The following DPP10 variants were observed in gnomAD, a reference collection of about 807,000 sequenced individuals.
DPP10 encodes the protein dipeptidyl peptidase like 10.
Under a neutral mutation model 120.9 loss-of-function variants are expected in DPP10, and 33 were observed. The ratio of observed to expected loss-of-function variants is 0.27; its 90% CI spans 0.21 to 0.37. The LOEUF (loss-of-function observed/expected upper bound fraction) is 0.37. Among genes scored for constraint, DPP10 ranks in the 10% least tolerant of loss-of-function variants. The pLI is 1.00. For synonymous variants in DPP10, 337 were observed against 326.1 expected (o/e 1.03, Z -0.36); for missense variants, 816 against 942.8 (o/e 0.87, Z 1.76).
chr2:114,664,458 G>A (rs748817149), intron 1 of DPP10, among the ~76,000 whole-genome samples: 11 of 151,554 alleles, frequency 7.3e-5, no homozygotes, highest in Non-Finnish European at 1.2e-4. Flanking sequence ...GTGAAACCCC[G>A]TCTCTACTAA....
chr2:115,445,905 A>C (rs556707954), intron 3 of DPP10, among the ~76,000 whole-genome samples: 34 of 152,230 alleles, frequency 2.2e-4, no homozygotes, highest in African/African-American at 8.2e-4. Flanking sequence ...GTTTTGTAAG[A>C]TGGGCCCAGG....
chr2:115,468,770 A>G (rs555276594), intron 3 of DPP10: 2 of 437,892 alleles, frequency 4.6e-6, no homozygotes, highest in South Asian at 3.6e-5. Flanking sequence ...GTTTGCTGCT[A>G]CTCAGGCTGA....
At chr2:115,824,054 A>T (rs1688064898) in intron 21 of DPP10, among the ~76,000 whole-genome samples, 1 of 152,132 alleles carries the variant, frequency 6.6e-6, no homozygotes, top group South Asian at 2.1e-4. Flanking sequence ...ATATATCTAT[A>T]TCTAGCTAGC....
At chr2:115,431,151 A>G (rs1473802791) in intron 3 of DPP10, among the ~76,000 whole-genome samples, 2 of 152,232 alleles carry the variant, frequency 1.3e-5, no homozygotes, top group East Asian at 3.8e-4. Context: ...AAGCGAAGGG[A>G]TCCAGGAATT....
intron 1 of DPP10, among the ~76,000 whole-genome samples, chr2:114,932,623 A>C (rs1237320168): frequency 6.6e-6 from 1 of 152,216 alleles, no homozygotes. Flanking sequence ...ATTTTAATAG[A>C]AATCAGAATA....
intron 1 of DPP10, among the ~76,000 whole-genome samples, chr2:115,157,472 C>T (rs2051998675): frequency 6.6e-6 from 1 of 152,120 alleles, no homozygotes; most frequent in Admixed American, 6.5e-5. Flanking sequence ...CTGAAAGAAA[C>T]TCAAAACAGA....
intron 1 of DPP10, among the ~76,000 whole-genome samples, chr2:114,831,008 A>C: frequency 7.4e-6 from 1 of 135,096 alleles, no homozygotes; most frequent in Non-Finnish European, 1.5e-5. Flanking sequence ...GAATATTTAA[A>C]CATCCATGCA....
At chr2:114,817,126 A>G (rs934725086) in intron 1 of DPP10, among the ~76,000 whole-genome samples, 6 of 152,210 alleles carry the variant, frequency 3.9e-5, no homozygotes, top group Non-Finnish European at 8.8e-5. Flanking sequence ...TTCATTCCCC[A>G]TGCAATCAAT....
chr2:114,545,051 C>T (rs188639209), intron 1 of DPP10, among the ~76,000 whole-genome samples: 160 of 152,160 alleles, frequency 1.1e-3, no homozygotes, highest in African/African-American at 3.6e-3. Context: ...GGGGTTTCAT[C>T]ATGTTGGCCA....
chr2:114,750,778 C>CA (rs1679144620), intron 1 of DPP10, among the ~76,000 whole-genome samples: 1 of 137,804 alleles, frequency 7.3e-6, no homozygotes, highest in South Asian at 2.4e-4. Context: ...TTATTCCAAA[C>CA]AGAAGGCTAA....
intron 1 of DPP10, among the ~76,000 whole-genome samples, chr2:114,992,309 G>A (rs1216499876): frequency 6.6e-6 from 1 of 152,118 alleles, no homozygotes; most frequent in Admixed American, 6.5e-5. Context: ...TAAAATGTTA[G>A]ACATCCCTCT....
At chr2:115,379,186 C>CT (rs1255271025) in intron 3 of DPP10, among the ~76,000 whole-genome samples, 1 of 152,120 alleles carries the variant, frequency 6.6e-6, no homozygotes, top group Non-Finnish European at 1.5e-5. Flanking sequence ...TGGTCCTGGA[C>CT]TTTTTTTGGT....
At chr2:115,058,589 G>T (rs1334514737) in intron 1 of DPP10, among the ~76,000 whole-genome samples, 1 of 151,992 alleles carries the variant, frequency 6.6e-6, no homozygotes, top group Non-Finnish European at 1.5e-5. Flanking sequence ...GAGTACAGAC[G>T]GGGTTTCGCC....
chr2:115,323,861 C>T (rs1260616866), intron 2 of DPP10, among the ~76,000 whole-genome samples: 1 of 152,076 alleles, frequency 6.6e-6, no homozygotes, highest in Non-Finnish European at 1.5e-5. Flanking sequence ...GTGTTGTCAG[C>T]CAGGCTTTGT....
At chr2:115,796,129 GA>G (rs1400583619) in intron 19 of DPP10, among the ~76,000 whole-genome samples, 1 of 151,998 alleles carries the variant, frequency 6.6e-6, no homozygotes, top group Admixed American at 6.6e-5. Context: ...CCCCCAAAGA[GA>G]AATCCCATCC....
chr2:115,712,014 A>G lies in DPP10; in HGVS notation c.577-15802A>G, dbSNP rs561575889. Among the ~76,000 whole-genome samples the G allele has an allele frequency of 4.1e-5, 6 of 146,780 alleles. No individual in the cohort carries two copies. In the East Asian group the frequency reaches 1.2e-3, roughly 30 times the overall value. ...CCAGGCACTGGTTTTGTAGAAGACA[A>G]TTTTTTCCATGGACTGGGGCAGGGG... On this transcript the variant is annotated intron_variant, in intron 7 of 25. Transcript: ENST00000410059.
chr2:114,757,395 G>GGA (rs372151135), intron 1 of DPP10, among the ~76,000 whole-genome samples: 3 of 144,226 alleles, frequency 2.1e-5, no homozygotes, highest in East Asian at 2.1e-4. Context: ...AAGGAGGGAG[G>GGA]GAGAGAGAGA....
At chr2:115,698,925 A>G (rs190147482) in intron 7 of DPP10, among the ~76,000 whole-genome samples, 41 of 151,824 alleles carry the variant, frequency 2.7e-4, no homozygotes, top group Admixed American at 1.0e-3. Context: ...GTAGATATAA[A>G]CAAAGTAGAT....
chr2:114,590,066 T>C (rs1691330144), intron 1 of DPP10, among the ~76,000 whole-genome samples: 1 of 152,112 alleles, frequency 6.6e-6, no homozygotes, highest in South Asian at 2.1e-4. Flanking sequence ...CAACCAGTTT[T>C]CTAAGAAAAA....
Sources: gnomAD v4.1 joint callset for allele counts (sites outside exome capture counted in the v4.1 genomes callset) on GRCh38, gnomAD v4.1.1 for gene constraint, MANE v1.5 for transcripts, NCBI Gene and HGNC (gene_info 2026-07-23, HGNC 2026-07-21) for gene names.